The following HELLS variants were observed in gnomAD, a reference collection of about 807,000 sequenced individuals.
HELLS encodes the protein lymphoid-specific helicase.
In HELLS, 32 loss-of-function variants were observed where a neutral mutation model predicts 120.0. The ratio of observed to expected loss-of-function variants is 0.27; its 90% CI spans 0.20 to 0.36. The LOEUF (loss-of-function observed/expected upper bound fraction) is 0.36, where lower values mean the gene tolerates loss of function less well. HELLS is among the 10% of genes least tolerant of loss of function. HELLS has a pLI of 1.00. For missense variants in HELLS, 650 were observed against 993.4 expected (o/e 0.65, Z 4.65); for synonymous variants, 341 against 323.4 (o/e 1.05, Z -0.58).
chr10:94,546,388 C>G lies in HELLS; in HGVS notation c.43C>G (p.Pro15Ala). 9 of 1,614,092 alleles carry G rather than the reference C, an allele frequency of 5.6e-6. No homozygotes were observed. The highest frequency in any genetic ancestry group is 1.7e-5 in the Admixed American group (1 of 60,022). Residue 15 changes from proline to alanine, a missense_variant, in exon 2 of 22, where the codon CCA becomes GCA. Physicochemically the swap from Pro to Ala is conservative, Grantham distance 27. Around this residue, in one of 9 missense-constraint regions of HELLS, gnomAD observed 90 missense variants for 93.6 expected, o/e 0.96. Transcript: ENST00000348459. ...RPAGSGGSEA[P>A]AMVEQLDTAV... is the part of the protein sequence containing the mutation. ...TTCTCCCCCGTCAGGCTCGGAGGCT[C>G]CAGCAATGGTTGAACAACTGGACAC... is the stretch of plus-strand genomic sequence containing the variant.
chr10:94,567,632 A>G (rs906661330), intron 6 of HELLS, among the ~76,000 whole-genome samples: 7 of 152,174 alleles, frequency 4.6e-5, no homozygotes, highest in South Asian at 2.1e-4. Flanking sequence ...TGGACTGGAC[A>G]TGATGCCTGA....
chr10:94,552,431 C>G (rs993172603), intron 2 of HELLS, among the ~76,000 whole-genome samples: 4 of 152,230 alleles, frequency 2.6e-5, no homozygotes, highest in Non-Finnish European at 4.4e-5. Context: ...TCAGACCCCT[C>G]AGATGTCATC....
intron 4 of HELLS, among the ~76,000 whole-genome samples, chr10:94,558,603 T>G (rs924783813): frequency 6.7e-6 from 1 of 150,186 alleles, no homozygotes; most frequent in Non-Finnish European, 1.5e-5. Flanking sequence ...TCTTACTCTA[T>G]TTTTTTTTTC....
intron 7 of HELLS, among the ~76,000 whole-genome samples, chr10:94,573,479 T>A (rs1400390351): frequency 6.6e-6 from 1 of 151,930 alleles, no homozygotes; most frequent in Non-Finnish European, 1.5e-5. Context: ...TATTTTATTT[T>A]ATTTTTTGAG....
chr10:94,568,886 G>A (rs1843977718), intron 6 of HELLS, among the ~76,000 whole-genome samples: 1 of 151,016 alleles, frequency 6.6e-6, no homozygotes, highest in Non-Finnish European at 1.5e-5. Flanking sequence ...TTGTTGCCCA[G>A]GCTGGAGTGC....
Position 94,611,994 on chromosome 10 carries a change from A to T in HELLS, c.*2143A>T, listed in dbSNP as rs138650598. The T allele has an allele frequency of 2.0e-5, 3 of 152,296 alleles. No individual in the cohort carries two copies. In the East Asian group the frequency reaches 5.8e-4, roughly 29 times the overall value. The allele number at this position is 152,296 out of a possible 1,614,324, so 9.4% of individuals were successfully genotyped here. A position where few individuals can be genotyped will look rare whatever the true frequency, so the allele number is the denominator to read the frequency against. ...CTATCAAATAAGGTACAGTATGTGA[A>T]GATACATTGCAGATTATCTTATGCA... On this transcript the variant is annotated 3_prime_UTR_variant, in exon 10 of 10. Transcript: ENST00000371327.
rs1345146619 is a variant in HELLS, at chr10:94,601,735, T to G, written c.*113T>G. 5.1e-6 allele frequency: 3 copies of G among 590,188 alleles called. No individual in the cohort carries two copies. Among genetic ancestry groups the G allele is most frequent in the Non-Finnish European group, 9.1e-6 (3 of 330,704 alleles). 36.6% of individuals were successfully genotyped at this position (590,188 alleles called of 1,614,324 possible). ...ACCTTTTTTATTATATCAGTTGACA[T>G]GTAACTAGTACCATGCGTACTTAAA... is the stretch of plus-strand genomic sequence containing the variant. On this transcript the variant is annotated 3_prime_UTR_variant, in exon 22 of 22. Coordinates refer to ENST00000348459, the MANE Select transcript of HELLS (RefSeq NM_018063.5).
Position 94,558,201 on chromosome 10 carries a change from A to G in HELLS, c.333+6A>G, listed in dbSNP as rs2134007728. On this transcript the variant is annotated splice_donor_region_variant and intron_variant, in intron 4 of 21. Coordinates refer to ENST00000348459, the MANE Select transcript of HELLS (RefSeq NM_018063.5). ...AGTCTTTAAAAGTTAAAAAGGTAATATAGCCAGCCGGAATATTTTTTATGT... is the reference window on the plus strand; with the variant it reads ...AGTCTTTAAAAGTTAAAAAGGTAATGTAGCCAGCCGGAATATTTTTTATGT... 1 of 1,553,878 alleles carries G rather than the reference A, an allele frequency of 6.4e-7. No homozygotes were observed. The highest frequency in any genetic ancestry group is 8.6e-7 in the Non-Finnish European group (1 of 1,158,794).
chr10:94,571,967 G>A (rs2134047234), intron 7 of HELLS, among the ~76,000 whole-genome samples: 1 of 152,290 alleles, frequency 6.6e-6, no homozygotes, highest in African/African-American at 2.4e-5. Flanking sequence ...AAATATTCAT[G>A]AATGGATATG....
intron 12 of HELLS, among the ~76,000 whole-genome samples, chr10:94,586,940 T>C (rs1407317130): frequency 6.6e-6 from 1 of 151,918 alleles, no homozygotes; most frequent in Non-Finnish European, 1.5e-5. Flanking sequence ...GGTGATCTGC[T>C]CGCCTCGGCT....
rs758744430 is a variant in HELLS at position 94,554,264 on chromosome 10, T to G, written c.276+16T>G. ...ACAATTAGAGGTATGTATATGTAACTGACTACAAGTGAAAGCTTAAAAAAA... is the reference window on the plus strand; with the variant it reads ...ACAATTAGAGGTATGTATATGTAACGGACTACAAGTGAAAGCTTAAAAAAA... On this transcript the variant is annotated intron_variant, in intron 3 of 21. Transcript: ENST00000348459. 6.6e-7 allele frequency: 1 copy of G among 1,515,634 alleles called. No homozygotes were observed. The highest frequency in any genetic ancestry group is 2.5e-5 in the East Asian group (1 of 40,686). The allele number at this position is 1,515,634 out of a possible 1,614,324, so 93.9% of individuals were successfully genotyped here.
intron 12 of HELLS, among the ~76,000 whole-genome samples, chr10:94,584,780 AT>A (rs1845040339): frequency 6.6e-6 from 1 of 152,142 alleles, no homozygotes; most frequent in South Asian, 2.1e-4. Context: ...ATAACTTCAG[AT>A]TTCCATTAAT....
chr10:94,600,382 A>G (rs1332520783), intron 21 of HELLS, among the ~76,000 whole-genome samples: 1 of 152,222 alleles, frequency 6.6e-6, no homozygotes, highest in Non-Finnish European at 1.5e-5. Flanking sequence ...GCCAGAACCA[A>G]GACAGTTTTG....
chr10:94,579,168 C>A (rs1358925251), intron 10 of HELLS, among the ~76,000 whole-genome samples: 1 of 151,354 alleles, frequency 6.6e-6, no homozygotes, highest in African/African-American at 2.4e-5. Context: ...TGTAAAAGCA[C>A]CTGTAATTCT....
At position 94,555,469 on chromosome 10, in the gene HELLS, G is replaced by A. The variant is rs554672838; in HGVS notation, c.276+1221G>A. Among the ~76,000 whole-genome samples the A allele has an allele frequency of 3.9e-5, 6 of 152,200 alleles. No homozygotes were observed. The South Asian group carries it at 1.2e-3, about 32-fold the overall frequency. On this transcript the variant is annotated intron_variant, in intron 3 of 21. Coordinates refer to ENST00000348459, the MANE Select transcript of HELLS (RefSeq NM_018063.5). ...AATAAATAAAAAAAACCCCAAAAGGGGACAGGGTTTGGAGAACTTCTGGAT... is the reference window on the plus strand; with the variant it reads ...AATAAATAAAAAAAACCCCAAAAGGAGACAGGGTTTGGAGAACTTCTGGAT...
At chr10:94,600,416 G>A (rs12256631) in intron 21 of HELLS, among the ~76,000 whole-genome samples, 1 of 152,170 alleles carries the variant, frequency 6.6e-6, no homozygotes, top group African/African-American at 2.4e-5. Context: ...TCTATACCAG[G>A]TATAAAGTCT....
rs187489575 is a variant in HELLS, at chr10:94,583,082, G to A, written c.1326+23G>A. On this transcript the variant is annotated intron_variant, in intron 12 of 21. Transcript: ENST00000348459. Reference sequence around the variant, plus strand: ...CAGGTTTTCCATGTTTTCTTATTCTGCTTAACCATAGGCTCGATAGAGTAT... The same window carrying A: ...CAGGTTTTCCATGTTTTCTTATTCTACTTAACCATAGGCTCGATAGAGTAT... The A allele has an allele frequency of 1.9e-4, 263 of 1,399,018 alleles. 1 individual carries two copies. The highest frequency in any genetic ancestry group is 2.2e-4 in the Non-Finnish European group (223 of 1,001,902). 86.7% of individuals were successfully genotyped at this position (1,399,018 alleles called of 1,614,324 possible). A position where few individuals can be genotyped will look rare whatever the true frequency, so the allele number is the denominator to read the frequency against.
At position 94,545,793 on chromosome 10, in the gene HELLS, A is replaced by T; in HGVS notation, c.-129A>T. On this transcript the variant is annotated 5_prime_UTR_variant, in exon 1 of 22. Coordinates refer to ENST00000348459, the MANE Select transcript of HELLS (RefSeq NM_018063.5). ...AGATGACAGGATTTTCCCGCGAAGG[A>T]GAAGCGCGCTTTTTTCCCTGGCGGG... The T allele has an allele frequency of 9.6e-7, 1 of 1,037,394 alleles. No individual in the cohort carries two copies. Among genetic ancestry groups the T allele is most frequent in the Non-Finnish European group, 1.5e-6 (1 of 677,910 alleles). The allele number at this position is 1,037,394 out of a possible 1,614,324, so 64.3% of individuals were successfully genotyped here. A position where few individuals can be genotyped will look rare whatever the true frequency, so the allele number is the denominator to read the frequency against.
intron 8 of HELLS, chr10:94,607,896 T>G (rs1846144834): frequency 2.3e-6 from 1 of 425,776 alleles, no homozygotes; most frequent in African/African-American, 2.1e-5. Context: ...CCCAACTGAT[T>G]TTTGTATTTT....
Sources: allele counts gnomAD v4.1 joint callset (sites outside exome capture counted in the v4.1 genomes callset), GRCh38; gene constraint gnomAD v4.1.1; regional missense constraint gnomAD v4.1.1; transcripts MANE v1.5; gene names NCBI Gene and HGNC (gene_info 2026-07-23, HGNC 2026-07-21).